Variants in PPP3CA observed in about 807,000 individuals in gnomAD.
The protein encoded by PPP3CA is CAM-PRP catalytic subunit.
A neutral mutation model predicts 66.5 loss-of-function variants in PPP3CA; 14 were observed. The ratio of observed to expected loss-of-function variants is 0.21; its 90% confidence interval spans 0.14 to 0.33. PPP3CA has a LOEUF of 0.33. PPP3CA is among the 10% of genes least tolerant of loss of function. The probability of loss-of-function intolerance (pLI) is 1.00; values close to 1 mark genes in which losing one functional copy is unlikely to be tolerated. For synonymous variants in PPP3CA, 232 were observed against 226.2 expected (o/e 1.03, Z -0.23); for missense variants, 317 against 639.5 (o/e 0.50, Z 5.44).
intron 1 of PPP3CA, among the ~76,000 whole-genome samples, chr4:101,321,052 A>G (rs993869332): frequency 4.6e-5 from 7 of 152,200 alleles, no homozygotes; most frequent in African/African-American, 1.7e-4. Flanking sequence ...TAACCCTTGC[A>G]CTTTCACTTA....
At chr4:101,200,691 T>A (rs1560655072) in intron 1 of PPP3CA, among the ~76,000 whole-genome samples, 1 of 152,114 alleles carries the variant, frequency 6.6e-6, no homozygotes, top group Non-Finnish European at 1.5e-5. Context: ...TCCTTTCTCC[T>A]CGATGATGGC....
chr4:101,327,908 T>A (rs1360137110), intron 1 of PPP3CA, among the ~76,000 whole-genome samples: 3 of 152,078 alleles, frequency 2.0e-5, no homozygotes, highest in Non-Finnish European at 4.4e-5. Context: ...TTCATCTACA[T>A]GGTACTGGAC....
intron 1 of PPP3CA, among the ~76,000 whole-genome samples, chr4:101,200,559 G>A (rs1480115997): frequency 6.6e-6 from 1 of 152,102 alleles, no homozygotes; most frequent in African/African-American, 2.4e-5. Context: ...AAAGATTCAA[G>A]AGAATATTTA....
In PPP3CA at chr4:101,291,409, T is replaced by C. The variant is rs148365288; in HGVS notation, c.58+55330A>G. ...TGAGGATTGCCTTCCCAACACATGGTATGCTCATCACTATGTCCTTGTTCC... is the reference window on the plus strand; with the variant it reads ...TGAGGATTGCCTTCCCAACACATGGCATGCTCATCACTATGTCCTTGTTCC... On this transcript the variant is annotated intron_variant, in intron 1 of 13. Coordinates refer to ENST00000394854, the MANE Select transcript of PPP3CA (RefSeq NM_000944.5). 1.7e-3 allele frequency among the ~76,000 whole-genome samples: 257 copies of C among 152,286 alleles called. 1 individual carries two copies. The highest frequency in any genetic ancestry group is 5.9e-3 in the African/African-American group (244 of 41,566).
chr4:101,159,843 C>A (rs1365235770), intron 2 of PPP3CA, among the ~76,000 whole-genome samples: 1 of 152,078 alleles, frequency 6.6e-6, no homozygotes, highest in Non-Finnish European at 1.5e-5. Flanking sequence ...CTGCCTTTTT[C>A]TGCTTGCTTC....
intron 1 of PPP3CA, among the ~76,000 whole-genome samples, chr4:101,241,203 A>C (rs2110233920): frequency 6.6e-6 from 1 of 152,228 alleles, no homozygotes; most frequent in East Asian, 1.9e-4. Flanking sequence ...TACAGTGAAA[A>C]GAGAAGTGAC....
At chr4:101,241,249 C>T (rs937823240) in intron 1 of PPP3CA, among the ~76,000 whole-genome samples, 3 of 152,104 alleles carry the variant, frequency 2.0e-5, no homozygotes, top group African/African-American at 7.2e-5. Flanking sequence ...TAAACCTTTG[C>T]ACTCCTATGG....
chr4:101,141,135 C>T (rs1009902770), intron 2 of PPP3CA, among the ~76,000 whole-genome samples: 1 of 151,922 alleles, frequency 6.6e-6, no homozygotes, highest in African/African-American at 2.4e-5. Context: ...CTTGGGAGGC[C>T]GAGGTGGGTG....
chr4:101,085,206 C>T (rs1214681823), intron 6 of PPP3CA, among the ~76,000 whole-genome samples: 1 of 152,042 alleles, frequency 6.6e-6, no homozygotes. Flanking sequence ...TTTTTTGAGG[C>T]CTTCACTTAA....
At chr4:101,162,794 T>G (rs2110308292) in intron 2 of PPP3CA, among the ~76,000 whole-genome samples, 1 of 152,262 alleles carries the variant, frequency 6.6e-6, no homozygotes, top group African/African-American at 2.4e-5. Flanking sequence ...CCTTTCCCTA[T>G]GAGAATTTTG....
At chr4:101,250,522 T>C (rs965915869) in intron 1 of PPP3CA, among the ~76,000 whole-genome samples, 2 of 152,216 alleles carry the variant, frequency 1.3e-5, no homozygotes, top group Non-Finnish European at 2.9e-5. Flanking sequence ...CCAGGCTTCC[T>C]GCCTTCTTGT....
In PPP3CA at chr4:101,032,292, A is replaced by G; in HGVS notation, c.1314T>C (p.Ser438=). The G allele has an allele frequency of 7.5e-6, 12 of 1,607,934 alleles. No homozygotes were observed. Among genetic ancestry groups the G allele is most frequent in the South Asian group, 1.1e-5 (1 of 89,922 alleles). The change falls in exon 12 of 14, where the codon TCT becomes TCC. Residue 438 remains serine, a synonymous_variant. Coordinates refer to ENST00000394854, the MANE Select transcript of PPP3CA (RefSeq NM_000944.5). ...PTGMLPSGVL[S]GGKQTLQSAT... is the part of the protein sequence containing the mutation. ...CGCTTTGCAGGGTTTGCTTCCCTCC[A>G]GAAAGTACTCCGCTGGGGAGCATGC... is the stretch of plus-strand genomic sequence containing the variant.
At chr4:101,260,449 T>G (rs1726976167) in intron 1 of PPP3CA, among the ~76,000 whole-genome samples, 1 of 152,192 alleles carries the variant, frequency 6.6e-6, no homozygotes, top group African/African-American at 2.4e-5. Flanking sequence ...ATAGCACATC[T>G]GATTTCCCAG....
intron 10 of PPP3CA, among the ~76,000 whole-genome samples, chr4:101,044,583 T>C (rs910840799): frequency 5.3e-5 from 8 of 152,206 alleles, no homozygotes; most frequent in Admixed American, 6.5e-5. Context: ...TTAGAAAAAA[T>C]AGTAATTTTA....
chr4:101,264,349 T>C (rs182382466), intron 1 of PPP3CA, among the ~76,000 whole-genome samples: 7 of 152,152 alleles, frequency 4.6e-5, no homozygotes, highest in Non-Finnish European at 8.8e-5. Flanking sequence ...TTAATTTTAA[T>C]AGGAATTGAG....
chr4:101,273,610 C>T (rs1435067610), intron 1 of PPP3CA, among the ~76,000 whole-genome samples: 1 of 152,172 alleles, frequency 6.6e-6, no homozygotes, highest in Non-Finnish European at 1.5e-5. Context: ...GAGGCGTGAG[C>T]CACCACACCT....
At chr4:101,061,888 G>A (rs958735441) in intron 9 of PPP3CA, among the ~76,000 whole-genome samples, 3 of 152,034 alleles carry the variant, frequency 2.0e-5, no homozygotes, top group African/African-American at 7.2e-5. Flanking sequence ...ATTCTACCAT[G>A]CATGTGAAAA....
At chr4:101,293,415 GC>G (rs1376854937) in intron 1 of PPP3CA, among the ~76,000 whole-genome samples, 6 of 152,146 alleles carry the variant, frequency 3.9e-5, no homozygotes, top group African/African-American at 1.4e-4. Context: ...ATACCAACCA[GC>G]CCAGCCATGG....
chr4:101,236,859 A>G (rs996853489), intron 1 of PPP3CA, among the ~76,000 whole-genome samples: 1 of 151,678 alleles, frequency 6.6e-6, no homozygotes, highest in Non-Finnish European at 1.5e-5. Flanking sequence ...TGAATCCCAA[A>G]TAAGATGCCT....
Sources: gnomAD v4.1 joint callset for allele counts (sites outside exome capture counted in the v4.1 genomes callset) on GRCh38, gnomAD v4.1.1 for gene constraint, MANE v1.5 for transcripts, NCBI Gene and HGNC (gene_info 2026-07-23, HGNC 2026-07-21) for gene names.